UROS: variants seen among roughly 807,000 people sequenced by gnomAD.
UROS encodes the protein uroporphyrinogen III synthase.
UROS carries 18 observed loss-of-function variants against 33.0 expected under a neutral mutation model. The observed-to-expected ratio is 0.55, with a 90% CI of 0.38 to 0.81. The LOEUF (loss-of-function observed/expected upper bound fraction) is 0.81. UROS is among the 30% of genes least tolerant of loss of function. The pLI, the probability that UROS is intolerant of heterozygous loss-of-function variation, is 0.00. For missense variants in UROS, 293 were observed against 314.9 expected, an observed-to-expected ratio of 0.93 and a Z score of 0.53; for synonymous variants, 114 against 121.1, an observed-to-expected ratio of 0.94 and a Z score of 0.38.
At chr10:125,798,692 G>C (rs1286307743) in intron 6 of UROS, among the ~76,000 whole-genome samples, 3 of 152,238 alleles carry the variant, frequency 2.0e-5, no homozygotes, top group African/African-American at 7.2e-5. Flanking sequence ...ACTAGGCCAA[G>C]TGCCAAAAGG....
chr10:125,789,554 C>G (rs1184745020), intron 9 of UROS: 1 of 192,620 alleles, frequency 5.2e-6, no homozygotes, highest in Non-Finnish European at 1.0e-5. Flanking sequence ...GATAACAGGA[C>G]TCTTCACTGG....
chr10:125,802,109 T>C (rs1361996604), intron 6 of UROS: 1 of 985,490 alleles, frequency 1.0e-6, no homozygotes, highest in South Asian at 4.7e-5. Flanking sequence ...AGGGCTTTGA[T>C]ACCATTTATG....
intron 1 of UROS, among the ~76,000 whole-genome samples, chr10:125,817,202 G>T (rs1224891158): frequency 1.4e-5 from 2 of 145,422 alleles, no homozygotes; most frequent in East Asian, 4.1e-4. Flanking sequence ...ATAGCAACGG[G>T]AAGCTTCTTG....
At chr10:125,796,036 G>T in intron 8 of UROS, 67 bp downstream of exon 8, 1 of 1,388,152 alleles carries the variant, frequency 7.2e-7, no homozygotes, top group Non-Finnish European at 1.0e-6. Flanking sequence ...ATCAGCTCGT[G>T]CCCTTCACCC....
At chr10:125,822,995 C>G (rs988476539) in intron 1 of UROS, 34 bp downstream of exon 1, 1 of 152,318 alleles carries the variant, frequency 6.6e-6, no homozygotes, top group African/African-American at 2.4e-5. Flanking sequence ...CGGGCTTCGG[C>G]GTCCGTACCG....
chr10:125,812,376 C>T lies in UROS; in HGVS notation c.245-88G>A, dbSNP rs1852895314. 9.8e-6 allele frequency: 12 copies of T among 1,218,534 alleles called. No individual in the cohort carries two copies. In the South Asian group the frequency reaches 1.5e-4, roughly 15 times the overall value. The allele number at this position is 1,218,534 out of a possible 1,614,324, so 75.5% of individuals were successfully genotyped here. On this transcript the variant is annotated intron_variant, in intron 4 of 9. Transcript: ENST00000368797. ...AAGGCTGCTTGTTCACCCTAAGAAA[C>T]TGTGAGCAAAGCAAACTATTAGCAA...
Position 125,807,442 on chromosome 10 carries a change from G to C in UROS, c.365C>G (p.Ala122Gly). 6.2e-7 allele frequency: 1 copy of C among 1,614,082 alleles called. No individual in the cohort carries two copies. Among genetic ancestry groups the C allele is most frequent in the Middle Eastern group, 1.6e-4 (1 of 6,062 alleles). The change falls in exon 6 of 10, where the codon GCA becomes GGA. Residue 122 changes from alanine to glycine, a missense_variant. Physicochemically the swap from Ala to Gly is moderately conservative, Grantham distance 60. Transcript: ENST00000368797. ...ACAAATATATTCTGCAAGCTTTTCT[G>C]CATTTCCACAGGTTTCTCCTTCTGT... is the stretch of plus-strand genomic sequence containing the variant. ...LDTEGETCGN[A>G]EKLAEYICSR...
chr10:125,787,071 C>T (rs1223432638), downstream of UROS, among the ~76,000 whole-genome samples: 1 of 152,254 alleles, frequency 6.6e-6, no homozygotes, highest in African/African-American at 2.4e-5. Context: ...CGCCCTGGCG[C>T]ACTCCATCTG....
chr10:125,805,983 G>A lies in UROS; in HGVS notation c.394+1430C>T, dbSNP rs576612817. Among the ~76,000 whole-genome samples the A allele has an allele frequency of 1.1e-4, 16 of 152,222 alleles. No individual in the cohort carries two copies. In the South Asian group the frequency reaches 2.1e-3, roughly 20 times the overall value. On this transcript the variant is annotated intron_variant, in intron 6 of 9. Transcript: ENST00000368797. ...TGCTGTTCCCTGACTGCTCACTGCC[G>A]CCCCCAACCCAGACGACTCTGTCAG...
At chr10:125,821,699 TGTTGATATGTTCACATGGTC>T (rs1853917839) in intron 1 of UROS, among the ~76,000 whole-genome samples, 1 of 152,264 alleles carries the variant, frequency 6.6e-6, no homozygotes, top group Non-Finnish European at 1.5e-5. Flanking sequence ...AGTGCAACTC[TGTTGATATGTTCACATGGTC>T]TTTCTGAGTC....
chr10:125,796,256 C>CAG (rs1438006624), intron 7 of UROS, 68 bp from the exon 8 acceptor site: 1 of 1,496,092 alleles, frequency 6.7e-7, no homozygotes, highest in Non-Finnish European at 9.3e-7. Context: ...CACCACTTCA[C>CAG]AGCACAGTTG....
At chr10:125,818,072 A>C (rs1009293503) in intron 1 of UROS, among the ~76,000 whole-genome samples, 2 of 152,228 alleles carry the variant, frequency 1.3e-5, no homozygotes, top group African/African-American at 4.8e-5. Flanking sequence ...GCTCCCTGAG[A>C]TGTGTTGCAA....
chr10:125,821,857 C>T (rs1412571290), intron 1 of UROS, among the ~76,000 whole-genome samples: 1 of 152,102 alleles, frequency 6.6e-6, no homozygotes. Context: ...AGATGTGGAG[C>T]GCTGATGTGT....
Position 125,816,261 on chromosome 10 carries a change from CTGAAA to C in UROS, c.64-6_64-2del, listed in dbSNP as rs1378602850. 6.2e-7 allele frequency: 1 copy of C among 1,613,924 alleles called. No individual in the cohort carries two copies. Among genetic ancestry groups the C allele is most frequent in the Non-Finnish European group, 8.5e-7 (1 of 1,179,848 alleles). The stretch of plus-strand genomic sequence containing the variant: ...CTTCAAGTCCATATAATCCTAATTC[CTGAAA>C]TGAAAGAATATAGTTCTGGATTGGC... On this transcript the variant is annotated splice_acceptor_variant and splice_polypyrimidine_tract_variant and intron_variant, in intron 2 of 9. Transcript: ENST00000368797. LOFTEE classifies it high-confidence loss of function.
In UROS at chr10:125,789,809, TTA is replaced by T. The variant is rs1850790510; in HGVS notation, c.661-806_661-805del. ...TCCCGGCTCTGCCCCCTGCTAGCTG[TTA>T]TTAGTGCAAGTCCCTTAGCCTCTCT... On this transcript the variant is annotated intron_variant, in intron 9 of 9. Coordinates refer to ENST00000368797, the MANE Select transcript of UROS (RefSeq NM_000375.3). Among the ~76,000 whole-genome samples, 5 of 152,116 alleles carry T rather than the reference TTA, an allele frequency of 3.3e-5. No homozygotes were observed. The South Asian group carries it at 1.0e-3, about 32-fold the overall frequency.
intron 6 of UROS, among the ~76,000 whole-genome samples, chr10:125,799,595 C>T: frequency 6.6e-6 from 1 of 152,178 alleles, no homozygotes; most frequent in East Asian, 1.9e-4. Context: ...GCTGCTCATT[C>T]TTATCTCTGA....
Position 125,812,229 on chromosome 10 carries a change from C to A in UROS, c.304G>T (p.Ala102Ser). ...GACTCCTTACCTAGAGAAGCAGTAG[C>A]ATTTCCAACCACATACACTGACTTG... ...NAKSVYVVGN[A>S]TASLVSKIGL... Residue 102 changes from alanine (A) to serine (S), a missense_variant, in exon 5 of 10, where the codon GCT becomes TCT. Coordinates refer to ENST00000368797, the MANE Select transcript of UROS (RefSeq NM_000375.3). 1 of 1,613,940 alleles carries A rather than the reference C, an allele frequency of 6.2e-7. No individual in the cohort carries two copies. Among genetic ancestry groups the A allele is most frequent in the South Asian group, 1.1e-5 (1 of 91,084 alleles).
At chr10:125,816,622 T>C in intron 1 of UROS, 97 bp from the exon 2 acceptor site, 1 of 1,241,064 alleles carries the variant, frequency 8.1e-7, no homozygotes, top group African/African-American at 1.5e-5. Context: ...GGCAATCAAA[T>C]GCTTGTGGAA....
chr10:125,809,411 T>A (rs2133910512), intron 5 of UROS, among the ~76,000 whole-genome samples: 1 of 152,344 alleles, frequency 6.6e-6, no homozygotes, highest in African/African-American at 2.4e-5. Flanking sequence ...CAATAAAAAT[T>A]AAAATGTTAT....
Sources: allele counts gnomAD v4.1 joint callset (sites outside exome capture counted in the v4.1 genomes callset), GRCh38; gene constraint gnomAD v4.1.1; transcripts MANE v1.5; gene names NCBI Gene and HGNC (gene_info 2026-07-23, HGNC 2026-07-21).